Variants in SV2C observed in about 807,000 individuals in gnomAD.
SV2C encodes synaptic vesicle glycoprotein 2C.
In SV2C, 49 loss-of-function variants were observed where a neutral mutation model predicts 79.7. The ratio of observed to expected loss-of-function variants is 0.61; its 90% CI spans 0.49 to 0.78. The LOEUF is 0.78. Among genes scored for constraint, SV2C ranks in the 30% least tolerant of loss-of-function variants. The probability of loss-of-function intolerance (pLI) is 0.00; values close to 1 mark genes in which losing one functional copy is unlikely to be tolerated. For missense variants in SV2C, 833 were observed against 912.9 expected (o/e 0.91, Z 1.13); for synonymous variants, 334 against 333.2 (o/e 1.00, Z -0.03).
intron 1 of SV2C, among the ~76,000 whole-genome samples, chr5:76,093,876 T>C (rs1478949860): frequency 6.6e-6 from 1 of 152,226 alleles, no homozygotes; most frequent in African/African-American, 2.4e-5. Context: ...GGAACAGTTT[T>C]AAGGAACTTC....
chr5:75,849,044 C>T, the SV2C span, among the ~76,000 whole-genome samples: 4 of 152,184 alleles, frequency 2.6e-5, no homozygotes, highest in African/African-American at 7.2e-5. Context: ...CTCATCCCCA[C>T]CCCCACCAGC....
intron 12 of SV2C, among the ~76,000 whole-genome samples, chr5:76,319,597 A>G (rs1438858423): frequency 6.6e-6 from 1 of 152,178 alleles, no homozygotes; most frequent in African/African-American, 2.4e-5. Context: ...TTTGCTTGGT[A>G]AATGAAAATG....
the SV2C span, among the ~76,000 whole-genome samples, chr5:76,001,222 T>C: frequency 6.6e-6 from 1 of 151,980 alleles, no homozygotes; most frequent in Non-Finnish European, 1.5e-5. Flanking sequence ...AGGAAGAGGG[T>C]CTGGGGGCTG....
intron 1 of SV2C, among the ~76,000 whole-genome samples, chr5:76,130,019 C>T (rs1748826553): frequency 1.3e-5 from 2 of 151,412 alleles, no homozygotes; most frequent in African/African-American, 4.9e-5. Flanking sequence ...GCCCCTTTTC[C>T]CTGACTTCTT....
At chr5:76,232,232 T>G (rs2112401450) in intron 4 of SV2C, among the ~76,000 whole-genome samples, 1 of 146,876 alleles carries the variant, frequency 6.8e-6, no homozygotes, top group South Asian at 2.1e-4. Context: ...TGCATAAATG[T>G]CTTCTTTTGA....
intron 2 of SV2C, among the ~76,000 whole-genome samples, chr5:76,188,344 A>G (rs1449349574): frequency 6.6e-6 from 1 of 152,174 alleles, no homozygotes; most frequent in Non-Finnish European, 1.5e-5. Context: ...TAATCTCTCA[A>G]AACCCTGTGA....
chr5:75,926,836 G>C, the SV2C span, among the ~76,000 whole-genome samples: 1 of 152,042 alleles, frequency 6.6e-6, no homozygotes, highest in African/African-American at 2.4e-5. Flanking sequence ...AAAAATTCCC[G>C]TTCCTTTTAA....
At chr5:75,934,745 G>A in the SV2C span, among the ~76,000 whole-genome samples, 1 of 152,118 alleles carries the variant, frequency 6.6e-6, no homozygotes, top group Non-Finnish European at 1.5e-5. Flanking sequence ...CTGTCCTATG[G>A]TGGTGTGTGG....
the SV2C span, among the ~76,000 whole-genome samples, chr5:76,073,894 T>C: frequency 6.6e-6 from 1 of 152,136 alleles, no homozygotes; most frequent in East Asian, 1.9e-4. Flanking sequence ...TAAAAACCTA[T>C]TGAAATAAAA....
the SV2C span, among the ~76,000 whole-genome samples, chr5:76,052,894 A>G: frequency 0.07 from 10,561 of 150,632 alleles, 1,167 homozygotes; most frequent in African/African-American, 0.23. Flanking sequence ...ATAATAATCT[A>G]CTATTATAAT....
the SV2C span, among the ~76,000 whole-genome samples, chr5:76,074,114 C>T: frequency 4.6e-5 from 7 of 152,128 alleles, no homozygotes; most frequent in Non-Finnish European, 1.0e-4. Context: ...GGCTCTGGCT[C>T]TCTGGTGGGC....
chr5:76,165,911 C>T (rs1431744608), intron 2 of SV2C, among the ~76,000 whole-genome samples: 1 of 152,072 alleles, frequency 6.6e-6, no homozygotes, highest in South Asian at 2.1e-4. Flanking sequence ...AGAGGTGAGG[C>T]CATGCTCCAA....
intron 4 of SV2C, among the ~76,000 whole-genome samples, chr5:76,240,073 T>C (rs1314814800): frequency 4.6e-5 from 7 of 152,224 alleles, no homozygotes; most frequent in Admixed American, 1.3e-4. Flanking sequence ...ATTGTGCCCT[T>C]TTTCTTTGAA....
chr5:76,052,094 A>G, the SV2C span, among the ~76,000 whole-genome samples: 4 of 152,188 alleles, frequency 2.6e-5, no homozygotes, highest in Admixed American at 2.0e-4. Flanking sequence ...TGCAAACCCA[A>G]GTCTTGACAC....
chr5:76,130,603 T>C (rs1018355283), intron 1 of SV2C, among the ~76,000 whole-genome samples: 30 of 152,178 alleles, frequency 2.0e-4, no homozygotes, highest in African/African-American at 6.5e-4. Context: ...AGGATGAACC[T>C]GTCAGTGACT....
chr5:76,183,690 A>G (rs1367402980), intron 2 of SV2C, among the ~76,000 whole-genome samples: 2 of 152,008 alleles, frequency 1.3e-5, no homozygotes. Context: ...CCCCCAACCC[A>G]TGAATTCCAC....
In SV2C at chr5:76,247,680, T is replaced by C. The variant is rs117085178; in HGVS notation, c.914-37482T>C. ...GGGAACTAGGGTAATTCTAACAATC[T>C]ATTGGGAAGAAAATCTGTGCACTTG... On this transcript the variant is annotated intron_variant, in intron 4 of 12. Transcript: ENST00000502798. Among the ~76,000 whole-genome samples, 305 of 152,288 alleles carry C rather than the reference T, an allele frequency of 2.0e-3. 12 individuals are homozygous for C. In the East Asian group the frequency reaches 0.058, roughly 29 times the overall value.
intron 12 of SV2C, among the ~76,000 whole-genome samples, chr5:76,306,520 G>A (rs571796838): frequency 6.6e-6 from 1 of 152,302 alleles, no homozygotes; most frequent in African/African-American, 2.4e-5. Context: ...GTGGGAAACT[G>A]TACCCCTGGA....
the SV2C span, among the ~76,000 whole-genome samples, chr5:75,976,147 ATGTT>A: frequency 2.0e-5 from 3 of 152,172 alleles, no homozygotes; most frequent in Non-Finnish European, 4.4e-5. Flanking sequence ...TGGAATTAAT[ATGTT>A]TGTTTAATAA....
Sources: gnomAD v4.1 joint callset for allele counts (sites outside exome capture counted in the v4.1 genomes callset) on GRCh38, gnomAD v4.1.1 for gene constraint, MANE v1.5 for transcripts, NCBI Gene and HGNC (gene_info 2026-07-23, HGNC 2026-07-21) for gene names.